The following CDH6 variants were observed in gnomAD, a reference collection of about 807,000 sequenced individuals.
CDH6 encodes cadherin 6.
A neutral mutation model predicts 78.0 loss-of-function variants in CDH6; 31 were observed. The observed-to-expected ratio is 0.40, with a 90% CI of 0.30 to 0.54. The LOEUF (loss-of-function observed/expected upper bound fraction) is 0.54, where lower values mean the gene tolerates loss of function less well. Among genes scored for constraint, CDH6 ranks in the 20% least tolerant of loss-of-function variants. CDH6 has a pLI of 0.56. For missense variants in CDH6, 724 were observed against 975.9 expected (o/e 0.74, Z 3.44); for synonymous variants, 376 against 368.8 (o/e 1.02, Z -0.23).
intron 1 of CDH6, among the ~76,000 whole-genome samples, chr5:31,233,787 A>G (rs201881994): frequency 6.6e-6 from 1 of 152,074 alleles, no homozygotes; most frequent in Admixed American, 6.5e-5. Flanking sequence ...TAAAACACCC[A>G]CCGCCTCACT....
chr5:31,205,503 G>A (rs79879052), intron 1 of CDH6, among the ~76,000 whole-genome samples: 2 of 152,298 alleles, frequency 1.3e-5, no homozygotes, highest in African/African-American at 4.8e-5. Flanking sequence ...GCCTTCCTAA[G>A]CAGATTAGCA....
chr5:31,263,163 AC>A (rs1279627349), intron 1 of CDH6, among the ~76,000 whole-genome samples: 3 of 152,122 alleles, frequency 2.0e-5, no homozygotes, highest in Non-Finnish European at 4.4e-5. Context: ...TCGAGGTGCC[AC>A]ATCTGGTGAG....
rs1397865160 is a variant in CDH6 at position 31,326,680 on chromosome 5, AATTT to A, written c.*3373_*3376del. 6.9e-5 allele frequency: 9 copies of A among 130,390 alleles called. No individual in the cohort carries two copies. The highest frequency in any genetic ancestry group is 2.9e-4 in the South Asian group (1 of 3,404). 8.1% of individuals were successfully genotyped at this position (130,390 alleles called of 1,614,324 possible). A position where few individuals can be genotyped will look rare whatever the true frequency, so the allele number is the denominator to read the frequency against. On this transcript the variant is annotated 3_prime_UTR_variant, in exon 12 of 12. Transcript: ENST00000265071. ...CAAAGAGTTGTGCAGAAAATCTTAA[AATTT>A]TTTTTTTTTTTTTTTTTTTTTTTTT...
Position 31,297,201 on chromosome 5 carries a change from C to A in CDH6, c.524-88C>A, listed in dbSNP as rs907288608. ...ACTTCCTCAGCATGATATTTCCATA[C>A]AAAATTAAGATCGTGCTGGTTTTGG... On this transcript the variant is annotated intron_variant, in intron 3 of 11. Coordinates refer to ENST00000265071, the MANE Select transcript of CDH6 (RefSeq NM_004932.4). The A allele has an allele frequency of 5.4e-5, 63 of 1,163,600 alleles. No individual in the cohort carries two copies. The African/African-American group carries it at 9.0e-4, about 17-fold the overall frequency. 72.1% of individuals were successfully genotyped at this position (1,163,600 alleles called of 1,614,324 possible). A position where few individuals can be genotyped will look rare whatever the true frequency, so the allele number is the denominator to read the frequency against.
At chr5:31,244,406 C>T (rs746026912) in intron 1 of CDH6, among the ~76,000 whole-genome samples, 11 of 152,194 alleles carry the variant, frequency 7.2e-5, no homozygotes, top group Non-Finnish European at 1.5e-4. Flanking sequence ...TTAAGAGGAG[C>T]TGCTACCTTC....
At chr5:31,224,181 A>G (rs956380594) in intron 1 of CDH6, among the ~76,000 whole-genome samples, 2 of 152,248 alleles carry the variant, frequency 1.3e-5, no homozygotes, top group Non-Finnish European at 2.9e-5. Context: ...AGGAAGAACA[A>G]GTCACATCTC....
At chr5:31,249,285 T>C (rs1382315313) in intron 1 of CDH6, 1 of 152,212 alleles carries the variant, frequency 6.6e-6, no homozygotes, top group Non-Finnish European at 1.5e-5. Flanking sequence ...CACTGAGTAG[T>C]TGCAGTAGAC....
chr5:31,244,213 C>G (rs1741684047), intron 1 of CDH6, among the ~76,000 whole-genome samples: 1 of 152,122 alleles, frequency 6.6e-6, no homozygotes, highest in African/African-American at 2.4e-5. Context: ...AACTTATTAT[C>G]AAGACAATGT....
At chr5:31,196,743 T>C (rs1484453269) in intron 1 of CDH6, among the ~76,000 whole-genome samples, 2 of 152,176 alleles carry the variant, frequency 1.3e-5, no homozygotes, top group East Asian at 3.9e-4. Context: ...TACAAATATT[T>C]TTATGGTTTT....
At position 31,235,408 on chromosome 5, in the gene CDH6, A is replaced by G. The variant is rs535625089; in HGVS notation, c.-128-31938A>G. On this transcript the variant is annotated intron_variant, in intron 1 of 11. Coordinates refer to ENST00000265071, the MANE Select transcript of CDH6 (RefSeq NM_004932.4). ...AATGTTGTTTTGTGATTTCATTTCA[A>G]ACTCGACAGTTATATAGCTATCCTC... Among the ~76,000 whole-genome samples the G allele has an allele frequency of 9.1e-4, 139 of 152,026 alleles. 1 individual carries two copies. Among genetic ancestry groups the G allele is most frequent in the African/African-American group, 3.1e-3 (127 of 41,464 alleles).
At chr5:31,270,794 T>C (rs1742510786) in intron 2 of CDH6, among the ~76,000 whole-genome samples, 2 of 152,038 alleles carry the variant, frequency 1.3e-5, no homozygotes, top group African/African-American at 4.8e-5. Flanking sequence ...CTTCCTGGGC[T>C]CAAGATGTCC....
At chr5:31,212,534 T>C (rs1230680666) in intron 1 of CDH6, among the ~76,000 whole-genome samples, 1 of 152,076 alleles carries the variant, frequency 6.6e-6, no homozygotes, top group East Asian at 1.9e-4. Context: ...CCCTAGAAAA[T>C]CTGCAACCCG....
chr5:31,199,228 T>TACAC (rs902756760), intron 1 of CDH6, among the ~76,000 whole-genome samples: 11 of 150,684 alleles, frequency 7.3e-5, no homozygotes, highest in Admixed American at 6.0e-4. Flanking sequence ...TACACACACA[T>TACAC]ACACACACAC....
chr5:31,270,782 G>T (rs553832441), intron 2 of CDH6, among the ~76,000 whole-genome samples: 5 of 151,732 alleles, frequency 3.3e-5, no homozygotes, highest in African/African-American at 1.2e-4. Context: ...CTGCAGCCTC[G>T]ACTTCCTGGG....
intron 7 of CDH6, among the ~76,000 whole-genome samples, chr5:31,312,945 G>GCACACACACACACA (rs3028834): frequency 4.7e-5 from 7 of 149,202 alleles, no homozygotes; most frequent in Admixed American, 2.7e-4. Context: ...ATGCATACAA[G>GCACACACACACACA]CACACACACA....
At position 31,197,230 on chromosome 5, in the gene CDH6, C is replaced by T. The variant is rs544938068; in HGVS notation, c.-129+3344C>T. 3.3e-5 allele frequency among the ~76,000 whole-genome samples: 5 copies of T among 152,342 alleles called. No homozygotes were observed. In the South Asian group the frequency reaches 1.0e-3, roughly 32 times the overall value. ...ACTCCTTAAAATACTCTGCCTGGAA[C>T]TTGGAGCAGCATAATTTCTGTAGGG... On this transcript the variant is annotated intron_variant, in intron 1 of 11. Coordinates refer to ENST00000265071, the MANE Select transcript of CDH6 (RefSeq NM_004932.4).
chr5:31,270,688 T>A lies in CDH6; in HGVS notation c.228+2987T>A, dbSNP rs553619471. Among the ~76,000 whole-genome samples the A allele has an allele frequency of 3.9e-5, 6 of 152,236 alleles. No homozygotes were observed. The East Asian group carries it at 5.8e-4, about 15-fold the overall frequency. On this transcript the variant is annotated intron_variant, in intron 2 of 11. Coordinates refer to ENST00000265071, the MANE Select transcript of CDH6 (RefSeq NM_004932.4). Reference sequence around the variant, plus strand: ...TTCCCTCCTTTTCCTTCCTTTTTTTTATTTTATTTATTTTTTCTTCTTTTT... The same window carrying A: ...TTCCCTCCTTTTCCTTCCTTTTTTTAATTTTATTTATTTTTTCTTCTTTTT...
chr5:31,286,280 A>G (rs1055223374), intron 2 of CDH6, among the ~76,000 whole-genome samples: 2 of 152,208 alleles, frequency 1.3e-5, no homozygotes, highest in East Asian at 3.9e-4. Flanking sequence ...ACACATCATC[A>G]GCAACAATAG....
intron 1 of CDH6, among the ~76,000 whole-genome samples, chr5:31,199,920 C>T (rs66902158): frequency 0.25 from 37,963 of 151,394 alleles, 4,850 homozygotes; most frequent in Middle Eastern, 0.28. Flanking sequence ...TTACTTAGCC[C>T]TTTTTTGGTT....
Sources: allele counts gnomAD v4.1 joint callset (sites outside exome capture counted in the v4.1 genomes callset), GRCh38; gene constraint gnomAD v4.1.1; transcripts MANE v1.5; gene names NCBI Gene and HGNC (gene_info 2026-07-23, HGNC 2026-07-21).